Variants in CNBD1 observed in about 807,000 individuals in gnomAD.
CNBD1 encodes cyclic nucleotide-binding domain-containing protein 1.
In CNBD1, 71 loss-of-function variants were observed where a neutral mutation model predicts 54.4. The ratio of observed to expected loss-of-function variants is 1.30; its 90% CI spans 1.08 to 1.59. CNBD1 has a LOEUF of 1.59. Ranked by LOEUF, CNBD1 falls within the 40% of genes most tolerant of loss-of-function variation. CNBD1 has a pLI of 0.00. For synonymous variants in CNBD1, 182 were observed against 170.7 expected, an observed-to-expected ratio of 1.07 and a Z score of -0.51; for missense variants, 659 against 518.0, an observed-to-expected ratio of 1.27 and a Z score of -2.64.
At chr8:87,049,200 T>C (rs1810262095) in intron 4 of CNBD1, among the ~76,000 whole-genome samples, 1 of 152,196 alleles carries the variant, frequency 6.6e-6, no homozygotes, top group South Asian at 2.1e-4. Flanking sequence ...CCCTCAGTTA[T>C]GTCATCCACA....
intron 4 of CNBD1, among the ~76,000 whole-genome samples, chr8:86,967,206 G>T (rs1563840988): frequency 6.6e-6 from 1 of 152,270 alleles, no homozygotes; most frequent in South Asian, 2.1e-4. Flanking sequence ...GGCTTCCAAG[G>T]GTATAAGCTG....
At chr8:86,878,874 A>G (rs905408456) in intron 1 of CNBD1, among the ~76,000 whole-genome samples, 8 of 152,184 alleles carry the variant, frequency 5.3e-5, no homozygotes, top group African/African-American at 1.9e-4. Context: ...GTTAATCCTC[A>G]GTTTTACTGA....
At chr8:87,124,760 C>T (rs565929622) in intron 4 of CNBD1, among the ~76,000 whole-genome samples, 23 of 151,772 alleles carry the variant, frequency 1.5e-4, no homozygotes, top group Admixed American at 1.4e-3. Context: ...GATGCCCACT[C>T]TCACCACCTG....
chr8:87,410,560 T>C (rs1485954198), intron 2 of CNBD1, among the ~76,000 whole-genome samples: 5 of 152,158 alleles, frequency 3.3e-5, no homozygotes, highest in Non-Finnish European at 7.4e-5. Context: ...CTGGTGAAGA[T>C]GATGTGAACA....
At chr8:87,265,498 A>C (rs776304747) in intron 6 of CNBD1, among the ~76,000 whole-genome samples, 2 of 152,072 alleles carry the variant, frequency 1.3e-5, no homozygotes, top group Non-Finnish European at 2.9e-5. Context: ...TTTTTTGCTT[A>C]AATGTTAAAA....
chr8:87,172,645 T>G (rs1204146486), intron 4 of CNBD1, among the ~76,000 whole-genome samples: 1 of 152,180 alleles, frequency 6.6e-6, no homozygotes, highest in Non-Finnish European at 1.5e-5. Context: ...TTGTCTCTTG[T>G]ATTTTTTGTC....
At chr8:86,972,245 T>G (rs1388371902) in intron 4 of CNBD1, among the ~76,000 whole-genome samples, 1 of 152,186 alleles carries the variant, frequency 6.6e-6, no homozygotes, top group Admixed American at 6.6e-5. Flanking sequence ...CCACCGTGCC[T>G]GGCCTAAATA....
At chr8:86,999,309 A>T (rs1264470914) in intron 4 of CNBD1, among the ~76,000 whole-genome samples, 2 of 152,178 alleles carry the variant, frequency 1.3e-5, no homozygotes, top group Non-Finnish European at 2.9e-5. Flanking sequence ...TCCTCTGGTT[A>T]TGGTGACTTC....
intron 8 of CNBD1, among the ~76,000 whole-genome samples, chr8:87,303,353 C>A (rs899792484): frequency 6.6e-6 from 1 of 151,974 alleles, no homozygotes; most frequent in Admixed American, 6.6e-5. Context: ...AACATCTGAT[C>A]TTTGACAAAT....
At chr8:87,147,608 A>C (rs1198328013) in intron 4 of CNBD1, among the ~76,000 whole-genome samples, 1 of 152,082 alleles carries the variant, frequency 6.6e-6, no homozygotes, top group Non-Finnish European at 1.5e-5. Context: ...ATTTCTACTA[A>C]ATTGGTTGAA....
intron 4 of CNBD1, among the ~76,000 whole-genome samples, chr8:87,049,998 T>TAA (rs917555058): frequency 6.6e-6 from 1 of 152,180 alleles, no homozygotes; most frequent in African/African-American, 2.4e-5. Flanking sequence ...TTCTGAGACA[T>TAA]AAGGATTGAA....
intron 4 of CNBD1, among the ~76,000 whole-genome samples, chr8:87,141,604 T>C (rs1203274995): frequency 4.0e-5 from 6 of 151,296 alleles, no homozygotes; most frequent in Admixed American, 3.3e-4. Flanking sequence ...CAGTGGTTGA[T>C]TTTTTTTTGG....
chr8:86,921,957 G>A (rs552089735), intron 3 of CNBD1, among the ~76,000 whole-genome samples: 65 of 152,194 alleles, frequency 4.3e-4, no homozygotes, highest in African/African-American at 1.4e-3. Flanking sequence ...GGTGTCAGAG[G>A]AAGACTTCAG....
chr8:87,146,946 C>T (rs1487871158), intron 4 of CNBD1, among the ~76,000 whole-genome samples: 1 of 152,066 alleles, frequency 6.6e-6, no homozygotes, highest in Admixed American at 6.6e-5. Context: ...TCATTATCTG[C>T]TTTAAATCTG....
At chr8:87,371,132 C>T (rs1810780318) in intron 10 of CNBD1, among the ~76,000 whole-genome samples, 1 of 151,708 alleles carries the variant, frequency 6.6e-6, no homozygotes, top group Admixed American at 6.6e-5. Context: ...TTACTGTAGC[C>T]TTGTAGTATA....
intron 5 of CNBD1, among the ~76,000 whole-genome samples, chr8:87,226,928 A>G (rs918749791): frequency 1.3e-5 from 2 of 151,642 alleles, no homozygotes; most frequent in South Asian, 2.1e-4. Context: ...GTGCTCCTCT[A>G]TTGGGTGCAT....
chr8:87,264,853 T>G (rs1305427665), intron 6 of CNBD1, among the ~76,000 whole-genome samples: 1 of 152,158 alleles, frequency 6.6e-6, no homozygotes, highest in Non-Finnish European at 1.5e-5. Flanking sequence ...GGTTGTTTGT[T>G]TTTTTCTTGT....
At chr8:87,005,855 G>A (rs1188149012) in intron 4 of CNBD1, among the ~76,000 whole-genome samples, 1 of 152,036 alleles carries the variant, frequency 6.6e-6, no homozygotes, top group African/African-American at 2.4e-5. Context: ...TGGGAGATGG[G>A]GTGCTCTATC....
chr8:87,040,311 G>A (rs1352496762), intron 4 of CNBD1, among the ~76,000 whole-genome samples: 1 of 152,066 alleles, frequency 6.6e-6, no homozygotes, highest in Non-Finnish European at 1.5e-5. Context: ...GATGGAGTTG[G>A]TTAGGTCAGA....
Sources: gnomAD v4.1 joint callset for allele counts (sites outside exome capture counted in the v4.1 genomes callset) on GRCh38, gnomAD v4.1.1 for gene constraint, MANE v1.5 for transcripts, NCBI Gene and HGNC (gene_info 2026-07-23, HGNC 2026-07-21) for gene names.